RORA: variants seen among roughly 807,000 people sequenced by gnomAD.
The protein encoded by RORA is nuclear receptor ROR-alpha.
Under a neutral mutation model 69.5 loss-of-function variants are expected in RORA, and 7 were observed. The ratio of observed to expected loss-of-function variants is 0.10; its 90% CI spans 0.06 to 0.19. The LOEUF (loss-of-function observed/expected upper bound fraction) is 0.19. Among genes scored for constraint, RORA ranks in the 10% least tolerant of loss-of-function variants. The pLI is 1.00. For synonymous variants in RORA, 261 were observed against 240.8 expected, an observed-to-expected ratio of 1.08 and a Z score of -0.78; for missense variants, 457 against 663.0, an observed-to-expected ratio of 0.69 and a Z score of 3.41.
intron 1 of RORA, among the ~76,000 whole-genome samples, chr15:61,077,218 G>A (rs1463623047): frequency 6.6e-6 from 1 of 151,702 alleles, no homozygotes; most frequent in Non-Finnish European, 1.5e-5. Context: ...TTAATACAGG[G>A]GGTGTGGTGG....
chr15:61,192,185 G>A (rs749283382), intron 1 of RORA, among the ~76,000 whole-genome samples: 6 of 152,214 alleles, frequency 3.9e-5, no homozygotes, highest in East Asian at 1.9e-4. Flanking sequence ...TGAATAATGC[G>A]GAGGACTTGA....
intron 1 of RORA, among the ~76,000 whole-genome samples, chr15:61,002,583 C>T (rs1894776833): frequency 6.6e-6 from 1 of 152,130 alleles, no homozygotes. Flanking sequence ...GTTAGCGTCT[C>T]CAAATGCAGC....
intron 1 of RORA, among the ~76,000 whole-genome samples, chr15:60,897,625 A>G (rs1041124306): frequency 6.6e-6 from 1 of 152,230 alleles, no homozygotes; most frequent in Admixed American, 6.5e-5. Flanking sequence ...CTGCAGCTAA[A>G]GACATCTTTT....
At chr15:61,219,897 A>C (rs561940486) in intron 1 of RORA, among the ~76,000 whole-genome samples, 1 of 152,320 alleles carries the variant, frequency 6.6e-6, no homozygotes, top group African/African-American at 2.4e-5. Flanking sequence ...TCAGCTTTAG[A>C]GGGTTCAAGA....
At position 60,531,724 on chromosome 15, in the gene RORA, T is replaced by C. The variant is rs1326136573; in HGVS notation, c.282+42A>G. ...ACATACAAATCACAAAGATATATTC[T>C]AACAAACATTAATAGAAACAACAAC... On this transcript the variant is annotated intron_variant, in intron 3 of 10. Transcript: ENST00000335670. The surrounding 1 kb of genome is among the most constrained non-coding windows in gnomAD (Gnocchi z 4.8). 2 of 1,101,650 alleles carry C rather than the reference T, an allele frequency of 1.8e-6. No homozygotes were observed. Among genetic ancestry groups the C allele is most frequent in the Non-Finnish European group, 2.7e-6 (2 of 743,732 alleles). 68.2% of individuals were successfully genotyped at this position (1,101,650 alleles called of 1,614,324 possible). A position where few individuals can be genotyped will look rare whatever the true frequency, so the allele number is the denominator to read the frequency against.
intron 1 of RORA, among the ~76,000 whole-genome samples, chr15:60,755,604 G>A (rs538691425): frequency 1.1e-3 from 175 of 152,254 alleles, no homozygotes; most frequent in African/African-American, 4.1e-3. Flanking sequence ...CCCACCAACA[G>A]TGTAAAAGTG....
chr15:61,009,389 C>T (rs1895020887), intron 1 of RORA, among the ~76,000 whole-genome samples: 1 of 152,198 alleles, frequency 6.6e-6, no homozygotes, highest in African/African-American at 2.4e-5. Flanking sequence ...CAACTCTGGG[C>T]ATAGTCCTAT....
chr15:61,063,467 C>G (rs184211132), intron 1 of RORA, among the ~76,000 whole-genome samples: 70 of 152,266 alleles, frequency 4.6e-4, no homozygotes, highest in African/African-American at 1.7e-3. Context: ...AAGGAATTAA[C>G]TTAAGATCAC....
intron 1 of RORA, among the ~76,000 whole-genome samples, chr15:60,766,188 C>A (rs1466928982): frequency 2.6e-5 from 4 of 152,082 alleles, no homozygotes; most frequent in African/African-American, 9.7e-5. Flanking sequence ...AATGTAACTT[C>A]TCTCCTTCCT....
intron 1 of RORA, among the ~76,000 whole-genome samples, chr15:61,183,774 T>C (rs2079712244): frequency 6.6e-6 from 1 of 152,230 alleles, no homozygotes; most frequent in Non-Finnish European, 1.5e-5. Context: ...TAAGAGCACC[T>C]TGTCCTGTGT....
At chr15:61,006,488 C>T (rs1216315483) in intron 1 of RORA, among the ~76,000 whole-genome samples, 1 of 152,294 alleles carries the variant, frequency 6.6e-6, no homozygotes, top group South Asian at 2.1e-4. Flanking sequence ...AGCCCAGGAA[C>T]AGCCACTGGG....
chr15:60,920,207 A>G (rs1416978456), intron 1 of RORA, among the ~76,000 whole-genome samples: 1 of 152,218 alleles, frequency 6.6e-6, no homozygotes, highest in East Asian at 1.9e-4. Context: ...CTATGTATCT[A>G]TCTATATATC....
chr15:61,076,066 T>C (rs1398231931), intron 1 of RORA, among the ~76,000 whole-genome samples: 1 of 152,098 alleles, frequency 6.6e-6, no homozygotes, highest in African/African-American at 2.4e-5. Flanking sequence ...CTAGGTCATC[T>C]CTCTCCTCTT....
At chr15:60,901,226 C>T (rs1381791887) in intron 1 of RORA, among the ~76,000 whole-genome samples, 1 of 151,976 alleles carries the variant, frequency 6.6e-6, no homozygotes, top group Non-Finnish European at 1.5e-5. Flanking sequence ...GGATGCAGTG[C>T]AGTGGTGCGA....
intron 1 of RORA, chr15:61,176,117 G>A (rs916557661): frequency 6.6e-6 from 1 of 152,140 alleles, no homozygotes; most frequent in African/African-American, 2.4e-5. Context: ...GAATATTTTA[G>A]CACTTAACAT....
intron 2 of RORA, chr15:60,545,150 A>G (rs888078294): frequency 2.6e-5 from 4 of 152,212 alleles, no homozygotes; most frequent in African/African-American, 9.6e-5. Flanking sequence ...ATTCCAAGAA[A>G]TTGAGTTAAA....
At chr15:60,813,811 T>A (rs2072775408) in intron 1 of RORA, among the ~76,000 whole-genome samples, 1 of 152,206 alleles carries the variant, frequency 6.6e-6, no homozygotes, top group South Asian at 2.1e-4. Flanking sequence ...AGAAATAGCA[T>A]AATTATCATA....
rs1444580778 is a variant in RORA at position 60,597,587 on chromosome 15, TATATATACAC to T, written c.197-65746_197-65737del. 4.0e-4 allele frequency among the ~76,000 whole-genome samples: 9 copies of T among 22,626 alleles called. 2 individuals are homozygous for T. Among genetic ancestry groups the T allele is most frequent in the Admixed American group, 7.0e-4 (1 of 1,434 alleles). The allele number at this position is 22,626 out of a possible 152,430, so 14.8% of individuals were successfully genotyped here. A position where few individuals can be genotyped will look rare whatever the true frequency, so the allele number is the denominator to read the frequency against. ...ATATATATATATACACATATATATA[TATATATACAC>T]ATATATATATATATATATATACATA... is the stretch of plus-strand genomic sequence containing the variant. On this transcript the variant is annotated intron_variant, in intron 2 of 10. Coordinates refer to ENST00000335670, the MANE Select transcript of RORA (RefSeq NM_134261.3).
At position 60,531,889 on chromosome 15, in the gene RORA, T is replaced by C. The variant is rs1293573089; in HGVS notation, c.197-38A>G. On this transcript the variant is annotated intron_variant, in intron 2 of 10. Coordinates refer to ENST00000335670, the MANE Select transcript of RORA (RefSeq NM_134261.3). The surrounding 1 kb of genome is among the most constrained non-coding windows in gnomAD (Gnocchi z 4.8). ...CACGCAACCAGTTAATTACATTTTCTTTTAAACACCTTATAAAAGCGTTCC... is the reference window on the plus strand; with the variant it reads ...CACGCAACCAGTTAATTACATTTTCCTTTAAACACCTTATAAAAGCGTTCC... 4 of 1,284,568 alleles carry C rather than the reference T, an allele frequency of 3.1e-6. No homozygotes were observed. Among genetic ancestry groups the C allele is most frequent in the Non-Finnish European group, 4.4e-6 (4 of 903,150 alleles). The allele number at this position is 1,284,568 out of a possible 1,614,324, so 79.6% of individuals were successfully genotyped here.
Sources: gnomAD v4.1 joint callset for allele counts (sites outside exome capture counted in the v4.1 genomes callset) on GRCh38, gnomAD v4.1.1 for gene constraint, Gnocchi (gnomAD v3.1) non-coding constraint, MANE v1.5 for transcripts, NCBI Gene and HGNC (gene_info 2026-07-23, HGNC 2026-07-21) for gene names.